SIGLEC1: variants seen among roughly 807,000 people sequenced by gnomAD.
SIGLEC1 encodes sialoadhesin.
A neutral mutation model predicts 148.0 loss-of-function variants in SIGLEC1; 132 were observed. That is an observed-to-expected ratio of 0.89 (90% CI 0.77 to 1.03). The LOEUF (loss-of-function observed/expected upper bound fraction) is 1.03, where lower values mean the gene tolerates loss of function less well. SIGLEC1 is among the 50% of genes least tolerant of loss of function. The pLI, the probability that SIGLEC1 is intolerant of heterozygous loss-of-function variation, is 0.00. For missense variants in SIGLEC1, 2,253 were observed against 2,271.4 expected (o/e 0.99, Z 0.16); for synonymous variants, 945 against 969.0 (o/e 0.98, Z 0.46).
At position 3,689,634 on chromosome 20, in the gene SIGLEC1, G is replaced by A. The variant is rs1189946071; in HGVS notation, c.4963C>T (p.Leu1655=). 6 of 1,589,310 alleles carry A rather than the reference G, an allele frequency of 3.8e-6. No homozygotes were observed. The South Asian group carries it at 5.7e-5, about 15-fold the overall frequency. Residue 1655 remains leucine, a synonymous_variant, in exon 20 of 22, where the codon CTG becomes TTG. Transcript: ENST00000344754. ...VLGLLVGLLL[L]LLGLGACYTW... The stretch of plus-strand genomic sequence containing the variant: ...TAGCAGGCCCCCAGGCCCAACAGCA[G>A]GAGCAGGAGGCCCACCAGCAGTCCC...
At position 3,692,092 on chromosome 20, in the gene SIGLEC1, G is replaced by T. The variant is rs116293422; in HGVS notation, c.4141C>A (p.His1381Asn). 2.0e-4 allele frequency: 318 copies of T among 1,609,728 alleles called. 1 individual carries two copies. The African/African-American group carries it at 4.0e-3, about 20-fold the overall frequency. The change falls in exon 17 of 22, where the codon CAT becomes AAT. Residue 1381 changes from histidine (H) to asparagine (N), a missense_variant. Transcript: ENST00000344754. ...SEPPAELALS[H>N]DGKVLATSSG... The stretch of plus-strand genomic sequence containing the variant: ...CTCGTGGCCAGCACCTTGCCATCAT[G>T]AGATAGGGCCAGCTCAGCAGGTGGC...
chr20:3,701,941 A>T (rs973103167), intron 6 of SIGLEC1, among the ~76,000 whole-genome samples: 1 of 152,180 alleles, frequency 6.6e-6, no homozygotes, highest in Non-Finnish European at 1.5e-5. Flanking sequence ...CAGGTGACCA[A>T]AGTGAGCATC....
chr20:3,698,265 A>C, intron 8 of SIGLEC1, 132 bp from the exon 9 acceptor site: 1 of 787,098 alleles, frequency 1.3e-6, no homozygotes, highest in Non-Finnish European at 2.0e-6. Context: ...CAGACTGTGC[A>C]CTGCACAAGG....
chr20:3,712,372 C>A (rs111387207), intron 1 of SIGLEC1, among the ~76,000 whole-genome samples, 98 bp downstream of exon 1: 7,305 of 151,594 alleles, frequency 0.048, 604 homozygotes, highest in African/African-American at 0.17. Context: ...GGAGCCCCCC[C>A]CCGACCCCTG....
At chr20:3,711,903 T>TTGGGC (rs970191275) in intron 1 of SIGLEC1, among the ~76,000 whole-genome samples, 2 of 152,028 alleles carry the variant, frequency 1.3e-5, no homozygotes, top group African/African-American at 2.4e-5. Flanking sequence ...GAGATTATCG[T>TTGGGC]TGGGCTGGGC....
Position 3,698,079 on chromosome 20 carries a change from G to T in SIGLEC1, c.1841C>A (p.Ala614Asp). 1.9e-6 allele frequency: 3 copies of T among 1,608,518 alleles called. No homozygotes were observed. Among genetic ancestry groups the T allele is most frequent in the Non-Finnish European group, 2.5e-6 (3 of 1,178,476 alleles). Residue 614 changes from alanine (A) to aspartate (D), a missense_variant, in exon 9 of 22, where the codon GCC becomes GAC. Transcript: ENST00000344754. ...TTRLDLDAAGAGAGRRGLLLC... is the reference protein window; with the variant it reads ...TTRLDLDAAGDGAGRRGLLLC... ...AAGGAGGCCTCGCCGTCCAGCCCCG[G>T]CCCCAGCGGCATCAAGGTCCAGCCT...
At position 3,706,645 on chromosome 20, in the gene SIGLEC1, C is replaced by T. The variant is rs1292519985; in HGVS notation, c.111G>A (p.Leu37=). Residue 37 remains leucine, a synonymous_variant, in exon 3 of 22, where the codon CTG becomes CTA. Coordinates refer to ENST00000344754, the MANE Select transcript of SIGLEC1 (RefSeq NM_023068.4). ...GGAAGCTGAAGATGCAGGGGATAAGCAGGCAAGACCCCTTCACACCCTGCA... is the reference window on the plus strand; with the variant it reads ...GGAAGCTGAAGATGCAGGGGATAAGTAGGCAAGACCCCTTCACACCCTGCA... ...QDVQGVKGSC[L]LIPCIFSFPA... is the part of the protein sequence containing the mutation. 6.3e-7 allele frequency: 1 copy of T among 1,576,994 alleles called. No homozygotes were observed. Among genetic ancestry groups the T allele is most frequent in the South Asian group, 1.2e-5 (1 of 86,918 alleles).
chr20:3,694,182 C>T lies in SIGLEC1; in HGVS notation c.3256+39G>A, dbSNP rs772945525. ...CCTCTCCTCTTTTAAAGGACACACA[C>T]ACACACACACACACACACACACACA... On this transcript the variant is annotated intron_variant, in intron 13 of 21. Coordinates refer to ENST00000344754, the MANE Select transcript of SIGLEC1 (RefSeq NM_023068.4). The T allele has an allele frequency of 3.6e-6, 5 of 1,374,404 alleles. No individual in the cohort carries two copies. In the African/African-American group the frequency reaches 1.1e-4, roughly 30 times the overall value. The allele number at this position is 1,374,404 out of a possible 1,614,324, so 85.1% of individuals were successfully genotyped here.
rs779998253 is a variant in SIGLEC1, at chr20:3,703,926, T to C, written c.872A>G (p.His291Arg). 8 of 1,613,650 alleles carry C rather than the reference T, an allele frequency of 5.0e-6. No homozygotes were observed. The highest frequency in any genetic ancestry group is 6.8e-6 in the Non-Finnish European group (8 of 1,179,926). Residue 291 changes from histidine (H) to arginine (R), a missense_variant, in exon 5 of 22, where the codon CAC (histidine) becomes CGC (arginine). His to Arg is a conservative substitution (Grantham distance 29). Coordinates refer to ENST00000344754, the MANE Select transcript of SIGLEC1 (RefSeq NM_023068.4). ...VRLQTKTGVL[H>R]LPQAAWSDAG... ...ATCGCTCCAGGCTGCCTGGGGCAGG[T>C]GCAGCACACCAGTCTTGGTTTGGAG...
chr20:3,692,716 C>A lies in SIGLEC1; in HGVS notation c.3835G>T (p.Val1279Leu), dbSNP rs773962105. Residue 1279 changes from valine to leucine, a missense_variant, in exon 16 of 22, where the codon GTG becomes TTG. Physicochemically the swap from Val to Leu is conservative, Grantham distance 32. Coordinates refer to ENST00000344754, the MANE Select transcript of SIGLEC1 (RefSeq NM_023068.4). ...AAVPEGAPITVTCADPAAHAP... is the reference protein window; with the variant it reads ...AAVPEGAPITLTCADPAAHAP... ...TGGGCAGCAGGGTCCGCACAGGTCACTGTGATGGGGGCACCTTCAGGCACG... is the reference window on the plus strand; with the variant it reads ...TGGGCAGCAGGGTCCGCACAGGTCAATGTGATGGGGGCACCTTCAGGCACG... 3.1e-6 allele frequency: 5 copies of A among 1,612,566 alleles called. No homozygotes were observed. In the African/African-American group the frequency reaches 6.7e-5, roughly 22 times the overall value.
chr20:3,707,218 C>T lies in SIGLEC1; in HGVS notation c.-90G>A, dbSNP rs920496279. On this transcript the variant is annotated 5_prime_UTR_variant, in exon 2 of 22. Transcript: ENST00000344754. ...AGGGGCCTCCAGGGACACCTCTGGG[C>T]ACTTTAGCCCCAGCACCTGCTAGAA... The T allele has an allele frequency of 3.4e-6, 4 of 1,180,634 alleles. No individual in the cohort carries two copies. Among genetic ancestry groups the T allele is most frequent in the Non-Finnish European group, 5.0e-6 (4 of 800,470 alleles). The allele number at this position is 1,180,634 out of a possible 1,614,324, so 73.1% of individuals were successfully genotyped here.
chr20:3,703,000 C>A, intron 6 of SIGLEC1, 197 bp downstream of exon 6: 1 of 591,186 alleles, frequency 1.7e-6, no homozygotes, highest in Non-Finnish European at 3.0e-6. Flanking sequence ...TAAGTTTAAA[C>A]TTCCAAATAT....
rs1392372436 is a variant in SIGLEC1, at chr20:3,697,918, C to T, written c.2002G>A (p.Ala668Thr). ...ATCTCCACACGCAGCAAGTTGGGGG[C>T]TTTGGTGACCTTCATGCGTGGGGAA... ...GCSPRMKVTKAPNLLRVEIHN... is the reference protein window; with the variant it reads ...GCSPRMKVTKTPNLLRVEIHN... The change falls in exon 9 of 22, where the codon GCC becomes ACC. Residue 668 changes from alanine to threonine, a missense_variant. Coordinates refer to ENST00000344754, the MANE Select transcript of SIGLEC1 (RefSeq NM_023068.4). 2 of 1,613,024 alleles carry T rather than the reference C, an allele frequency of 1.2e-6. No homozygotes were observed. Among genetic ancestry groups the T allele is most frequent in the Admixed American group, 1.7e-5 (1 of 60,006 alleles).
rs747249420 is a variant in SIGLEC1 at position 3,694,430 on chromosome 20, C to T, written c.3047G>A (p.Arg1016Gln). ...RVDSDPPAQLRLLHGDRLVAS... is the reference protein window; with the variant it reads ...RVDSDPPAQLQLLHGDRLVAS... The stretch of plus-strand genomic sequence containing the variant: ...CACAAGGCGATCCCCGTGGAGCAGC[C>T]GCAGCTGGGCCGGAGGGTCACTGTC... Residue 1016 changes from arginine to glutamine, a missense_variant, in exon 13 of 22, where the codon CGG becomes CAG. Physicochemically the swap from Arg to Gln is conservative, Grantham distance 43 (BLOSUM62 1). Transcript: ENST00000344754. 43 of 1,611,472 alleles carry T rather than the reference C, an allele frequency of 2.7e-5. No homozygotes were observed. Among genetic ancestry groups the T allele is most frequent in the East Asian group, 6.7e-5 (3 of 44,822 alleles).
rs1209779189 is a variant in SIGLEC1, at chr20:3,699,242, A to G, written c.1746T>C (p.Ser582=). The change falls in exon 8 of 22, where the codon AGT becomes AGC. Residue 582 remains serine, a synonymous_variant. Coordinates refer to ENST00000344754, the MANE Select transcript of SIGLEC1 (RefSeq NM_023068.4). ...SYHCRARDGH[S]ASGPSSPAVL... is the part of the protein sequence containing the mutation. Reference sequence around the variant, plus strand: ...CAGCTGGCGAAGAGGGGCCACTGGCACTGTGGCCGTCCCGGGCCCGGCAGT... The same window carrying G: ...CAGCTGGCGAAGAGGGGCCACTGGCGCTGTGGCCGTCCCGGGCCCGGCAGT... 1 of 1,610,606 alleles carries G rather than the reference A, an allele frequency of 6.2e-7. No homozygotes were observed. The highest frequency in any genetic ancestry group is 1.3e-5 in the African/African-American group (1 of 74,896).
Position 3,689,957 on chromosome 20 carries a change from CT to C in SIGLEC1, c.4894+4del. ...GGCCTGGGAGATGGAGCCCCCTCCC[CT>C]CACCTCTGACCCCAAAGTAGGTGGA... On this transcript the variant is annotated splice_donor_region_variant and intron_variant, in intron 19 of 21. Transcript: ENST00000344754. 6.2e-7 allele frequency: 1 copy of C among 1,608,778 alleles called. No homozygotes were observed. Among genetic ancestry groups the C allele is most frequent in the Non-Finnish European group, 8.5e-7 (1 of 1,177,380 alleles).
At position 3,699,429 on chromosome 20, in the gene SIGLEC1, T is replaced by A; in HGVS notation, c.1559A>T (p.Glu520Val). ...TGTCACTGCCTGTCCTTCCACCACC[T>A]CGGCTGCCGGGCTGATGAGGAGACG... ...AARLLISPAAEVVEGQAVTLS... is the reference protein window; with the variant it reads ...AARLLISPAAVVVEGQAVTLS... The change falls in exon 8 of 22, where the codon GAG becomes GTG. Residue 520 changes from glutamate to valine, a missense_variant. Glu to Val is a moderately radical substitution (Grantham distance 121). Coordinates refer to ENST00000344754, the MANE Select transcript of SIGLEC1 (RefSeq NM_023068.4). The A allele has an allele frequency of 5.6e-6, 9 of 1,609,922 alleles. No homozygotes were observed. Among genetic ancestry groups the A allele is most frequent in the Non-Finnish European group, 7.6e-6 (9 of 1,178,834 alleles).
Position 3,688,492 on chromosome 20 carries a change from C to T in SIGLEC1, c.*68G>A. Reference sequence around the variant, plus strand: ...GCAGGACTCAACACTGCCTCATTCACATTCATAGGCTGGAGTCATCACAGA... The same window carrying T: ...GCAGGACTCAACACTGCCTCATTCATATTCATAGGCTGGAGTCATCACAGA... On this transcript the variant is annotated 3_prime_UTR_variant, in exon 22 of 22. Coordinates refer to ENST00000344754, the MANE Select transcript of SIGLEC1 (RefSeq NM_023068.4). The T allele has an allele frequency of 7.6e-7, 1 of 1,312,512 alleles. No individual in the cohort carries two copies. Among genetic ancestry groups the T allele is most frequent in the Non-Finnish European group, 1.1e-6 (1 of 928,874 alleles). 81.3% of individuals were successfully genotyped at this position (1,312,512 alleles called of 1,614,324 possible). A position where few individuals can be genotyped will look rare whatever the true frequency, so the allele number is the denominator to read the frequency against.
chr20:3,712,371 C>CG (rs965391413), intron 1 of SIGLEC1, among the ~76,000 whole-genome samples, 99 bp downstream of exon 1: 3 of 151,576 alleles, frequency 2.0e-5, no homozygotes, highest in South Asian at 2.1e-4. Flanking sequence ...TGGAGCCCCC[C>CG]CCCGACCCCT....
Sources: gnomAD v4.1 joint callset for allele counts (sites outside exome capture counted in the v4.1 genomes callset) on GRCh38, gnomAD v4.1.1 for gene constraint, MANE v1.5 for transcripts, NCBI Gene and HGNC (gene_info 2026-07-23, HGNC 2026-07-21) for gene names.